The following NUP153 variants were observed in gnomAD, a reference collection of about 807,000 sequenced individuals.
The protein encoded by NUP153 is nucleoporin 153.
A neutral mutation model predicts 134.6 loss-of-function variants in NUP153; 27 were observed. The ratio of observed to expected loss-of-function variants is 0.20; its 90% CI spans 0.15 to 0.28. NUP153 has a LOEUF of 0.28. Among genes scored for constraint, NUP153 ranks in the 10% least tolerant of loss-of-function variants. The probability of loss-of-function intolerance (pLI) is 1.00; values close to 1 mark genes in which losing one functional copy is unlikely to be tolerated. For missense variants in NUP153, 1,821 were observed against 1,731.3 expected, an observed-to-expected ratio of 1.05 and a Z score of -0.92; for synonymous variants, 640 against 623.5, an observed-to-expected ratio of 1.03 and a Z score of -0.40.
At chr6:17,693,183 TAC>T (rs67348223) in intron 1 of NUP153, among the ~76,000 whole-genome samples, 15,458 of 145,818 alleles carry the variant, frequency 0.11, 888 homozygotes, top group African/African-American at 0.15. Context: ...AGCTTTTTCC[TAC>T]ACACACACAC....
At position 17,656,185 on chromosome 6, in the gene NUP153, A is replaced by G. The variant is rs937712323; in HGVS notation, c.1395+5468T>C. Among the ~76,000 whole-genome samples the G allele has an allele frequency of 3.3e-5, 5 of 152,216 alleles. No individual in the cohort carries two copies. The South Asian group carries it at 1.0e-3, about 31-fold the overall frequency. Reference sequence around the variant, plus strand: ...GCGCCACTGCACTCCACCCTGGGAGACAGAGCAAGACTCTGACAAATAAAT... The same window carrying G: ...GCGCCACTGCACTCCACCCTGGGAGGCAGAGCAAGACTCTGACAAATAAAT... On this transcript the variant is annotated intron_variant, in intron 11 of 21. Coordinates refer to ENST00000262077, the MANE Select transcript of NUP153 (RefSeq NM_005124.4).
At chr6:17,653,462 G>C (rs969079196) in intron 11 of NUP153, among the ~76,000 whole-genome samples, 1 of 152,198 alleles carries the variant, frequency 6.6e-6, no homozygotes, top group Non-Finnish European at 1.5e-5. Flanking sequence ...TTCATACACT[G>C]CTAAGAGGGA....
chr6:17,653,692 A>G (rs957973800), intron 11 of NUP153, among the ~76,000 whole-genome samples: 4 of 152,322 alleles, frequency 2.6e-5, no homozygotes, highest in South Asian at 2.1e-4. Flanking sequence ...AAACCAGTAC[A>G]TGGTGGAAAA....
chr6:17,653,279 C>CA (rs1378864967), intron 11 of NUP153, among the ~76,000 whole-genome samples: 3 of 151,662 alleles, frequency 2.0e-5, no homozygotes, highest in Non-Finnish European at 4.4e-5. Context: ...AGACACCTCA[C>CA]AAAAAAAGAT....
intron 1 of NUP153, among the ~76,000 whole-genome samples, chr6:17,699,250 A>G (rs1479901058): frequency 2.0e-5 from 3 of 151,654 alleles, no homozygotes; most frequent in African/African-American, 7.3e-5. Flanking sequence ...TAATCCCAAC[A>G]CTTTGGGAAT....
chr6:17,661,847 T>A, intron 10 of NUP153, 68 bp from the exon 11 acceptor site: 2 of 1,427,626 alleles, frequency 1.4e-6, no homozygotes, highest in Middle Eastern at 1.8e-4. Flanking sequence ...TAACTAGAAC[T>A]GCTAACAAGT....
At chr6:17,677,257 C>A (rs561222660) in intron 2 of NUP153, among the ~76,000 whole-genome samples, 1 of 152,216 alleles carries the variant, frequency 6.6e-6, no homozygotes, top group South Asian at 2.1e-4. Flanking sequence ...TACAGAAGTT[C>A]AAAATTATCA....
intron 20 of NUP153, among the ~76,000 whole-genome samples, chr6:17,621,902 C>T (rs1764657493): frequency 1.3e-5 from 2 of 152,142 alleles, no homozygotes; most frequent in Admixed American, 6.5e-5. Flanking sequence ...TAATTTATTA[C>T]ACATTGTATG....
chr6:17,632,692 C>A lies in NUP153; in HGVS notation c.2617G>T (p.Ala873Ser), dbSNP rs1765318927. The change falls in exon 17 of 22, where the codon GCA becomes TCA. Residue 873 changes from alanine (A) to serine (S), a missense_variant. By Grantham distance (99) the Ala-to-Ser change is moderately conservative. Transcript: ENST00000262077. ...GTGCCTGGCTTTGCACTTTCACATG[C>A]CAAACATTTGGTAGAGTCTGCCTTA... ...QNKADSTKCLACESAKPGTKS... is the reference protein window; with the variant it reads ...QNKADSTKCLSCESAKPGTKS... 1.2e-6 allele frequency: 2 copies of A among 1,612,268 alleles called. No individual in the cohort carries two copies. Among genetic ancestry groups the A allele is most frequent in the Admixed American group, 1.7e-5 (1 of 59,628 alleles).
intron 1 of NUP153, among the ~76,000 whole-genome samples, chr6:17,705,312 ACAAT>A (rs1280567053): frequency 6.6e-6 from 1 of 152,178 alleles, no homozygotes; most frequent in East Asian, 1.9e-4. Context: ...AATACTTCTA[ACAAT>A]CAATATTTTA....
At chr6:17,616,259 G>A (rs1581648383) in intron 21 of NUP153, 78 bp from the exon 22 acceptor site, 1 of 442,376 alleles carries the variant, frequency 2.3e-6, no homozygotes, top group Non-Finnish European at 4.1e-6. Flanking sequence ...ACCATGAGCA[G>A]CACAAGGGTA....
In NUP153 at chr6:17,632,726, T is replaced by G; in HGVS notation, c.2583A>C (p.Leu861=). 1 of 1,613,970 alleles carries G rather than the reference T, an allele frequency of 6.2e-7. No individual in the cohort carries two copies. Among genetic ancestry groups the G allele is most frequent in the Non-Finnish European group, 8.5e-7 (1 of 1,179,988 alleles). ...TGGTAGAGTCTGCCTTATTCTGCAC[T>G]AGGCACAATTCACAGTCCCAGCTTC... ...PEGSWDCELC[L]VQNKADSTKC... The change falls in exon 17 of 22, where the codon CTA becomes CTC. Residue 861 remains leucine, a synonymous_variant. Transcript: ENST00000262077.
intron 14 of NUP153, among the ~76,000 whole-genome samples, chr6:17,644,332 C>T (rs1158672792): frequency 6.6e-6 from 1 of 152,148 alleles, no homozygotes; most frequent in Non-Finnish European, 1.5e-5. Flanking sequence ...GCACTCACCA[C>T]ACTGCTATCA....
chr6:17,668,782 G>A (rs116476821), intron 8 of NUP153, among the ~76,000 whole-genome samples, 193 bp downstream of exon 8: 3,438 of 151,900 alleles, frequency 0.023, 115 homozygotes, highest in African/African-American at 0.079. Context: ...GCCATAGGTC[G>A]CAGTGAGTCA....
At chr6:17,671,858 A>C (rs971178085) in intron 5 of NUP153, among the ~76,000 whole-genome samples, 7 of 152,254 alleles carry the variant, frequency 4.6e-5, no homozygotes, top group East Asian at 1.9e-4. Flanking sequence ...AAATACAAAA[A>C]TTAGTGGGGC....
rs554036953 is a variant in NUP153 at position 17,656,912 on chromosome 6, G to C, written c.1395+4741C>G. On this transcript the variant is annotated intron_variant, in intron 11 of 21. Coordinates refer to ENST00000262077, the MANE Select transcript of NUP153 (RefSeq NM_005124.4). ...GCTGTGATGTCAGCAAGCTCAGTCT[G>C]CACAGACTCTAGTTGGTCATATTAG... is the stretch of plus-strand genomic sequence containing the variant. Among the ~76,000 whole-genome samples the C allele has an allele frequency of 4.3e-4, 66 of 152,264 alleles. 1 individual carries two copies. In the South Asian group the frequency reaches 0.013, roughly 30 times the overall value.
At position 17,669,354 on chromosome 6, in the gene NUP153, A is replaced by C; in HGVS notation, c.970-17T>G. 6.2e-7 allele frequency: 1 copy of C among 1,607,560 alleles called. No homozygotes were observed. On this transcript the variant is annotated splice_polypyrimidine_tract_variant and intron_variant, in intron 6 of 21. Transcript: ENST00000262077. ...TTTTGCATCCTGTTAAAGTTGAAAA[A>C]ATAACAAAATTAAGATTTTTCAATA...
intron 1 of NUP153, among the ~76,000 whole-genome samples, chr6:17,700,897 T>C (rs1349468640): frequency 6.6e-6 from 1 of 152,210 alleles, no homozygotes; most frequent in African/African-American, 2.4e-5. Flanking sequence ...TGACCCCTGA[T>C]CTAAGCTACT....
chr6:17,701,842 G>GA lies in NUP153; in HGVS notation c.111+4434_111+4435insT, dbSNP rs1554148673. Among the ~76,000 whole-genome samples, 118 of 102,910 alleles carry GA rather than the reference G, an allele frequency of 1.1e-3. 16 individuals are homozygous for GA. The highest frequency in any genetic ancestry group is 3.6e-3 in the African/African-American group (100 of 28,096). 67.5% of individuals were successfully genotyped at this position (102,910 alleles called of 152,430 possible). On this transcript the variant is annotated intron_variant, in intron 1 of 21. Coordinates refer to ENST00000262077, the MANE Select transcript of NUP153 (RefSeq NM_005124.4). ...AGCAAGACTCTGTCTCGGGGGGGGG[G>GA]GGAAAAAAGCTAAATGCAGGAACTG...
Sources: gnomAD v4.1 joint callset for allele counts (sites outside exome capture counted in the v4.1 genomes callset) on GRCh38, gnomAD v4.1.1 for gene constraint, MANE v1.5 for transcripts, NCBI Gene and HGNC (gene_info 2026-07-23, HGNC 2026-07-21) for gene names.